The following DLGAP2 variants were observed in gnomAD, a reference collection of about 807,000 sequenced individuals.
The protein encoded by DLGAP2 is DLG associated protein 2, also known as disks large-associated protein 2.
DLGAP2 carries 26 observed loss-of-function variants against 100.3 expected under a neutral mutation model. That is an observed-to-expected ratio of 0.26 (90% confidence interval 0.19 to 0.36). The LOEUF (loss-of-function observed/expected upper bound fraction) is 0.36. DLGAP2 is among the 10% of genes least tolerant of loss of function. The pLI, the probability that DLGAP2 is intolerant of heterozygous loss-of-function variation, is 1.00. For missense variants in DLGAP2, 1,858 were observed against 1,453.2 expected (o/e 1.28, Z -4.53); for synonymous variants, 886 against 630.1 (o/e 1.41, Z -6.08).
At chr8:831,903 C>G (rs781484360) in intron 1 of DLGAP2, among the ~76,000 whole-genome samples, 1 of 151,996 alleles carries the variant, frequency 6.6e-6, no homozygotes, top group Non-Finnish European at 1.5e-5. Context: ...TAATAATCAC[C>G]ATGCTGACTG....
At chr8:1,596,307 A>T (rs924262804) in intron 6 of DLGAP2, among the ~76,000 whole-genome samples, 1 of 152,100 alleles carries the variant, frequency 6.6e-6, no homozygotes, top group African/African-American at 2.4e-5. Flanking sequence ...AGTCTTTGCT[A>T]TTGTGAATAG....
At chr8:1,100,906 T>G (rs566944242) in intron 2 of DLGAP2, among the ~76,000 whole-genome samples, 1 of 152,236 alleles carries the variant, frequency 6.6e-6, no homozygotes, top group Non-Finnish European at 1.5e-5. Context: ...GCATTTCAAG[T>G]GCTTTATAGC....
chr8:1,609,567 G>A (rs1796928352), intron 6 of DLGAP2, among the ~76,000 whole-genome samples: 2 of 132,352 alleles, frequency 1.5e-5, no homozygotes, highest in African/African-American at 5.2e-5. Context: ...TGGACTAAAT[G>A]CTCCAATTAA....
intron 2 of DLGAP2, among the ~76,000 whole-genome samples, chr8:947,983 C>CCCGTG (rs1799372645): frequency 9.6e-6 from 1 of 104,712 alleles, no homozygotes; most frequent in Non-Finnish European, 2.4e-5. Context: ...CTTCCCTGAT[C>CCCGTG]CCATGCCAGC....
chr8:1,513,492 C>G (rs1321146110), intron 4 of DLGAP2, among the ~76,000 whole-genome samples: 3 of 152,230 alleles, frequency 2.0e-5, no homozygotes, highest in Admixed American at 2.0e-4. Flanking sequence ...CAGCCCAGCT[C>G]AGAGGGGCCG....
intron 3 of DLGAP2, among the ~76,000 whole-genome samples, chr8:1,277,471 T>C (rs1210995613): frequency 7.9e-5 from 12 of 152,016 alleles, no homozygotes; most frequent in African/African-American, 2.4e-4. Context: ...TGGGGTCAAA[T>C]GGGAGTGGCC....
In DLGAP2 at chr8:1,561,595, C is replaced by T. The variant is rs189418201; in HGVS notation, c.1231-4088C>T. 3.2e-3 allele frequency among the ~76,000 whole-genome samples: 485 copies of T among 152,292 alleles called. 2 individuals are homozygous for T. Among genetic ancestry groups the T allele is most frequent in the South Asian group, 9.3e-3 (45 of 4,816 alleles). On this transcript the variant is annotated intron_variant, in intron 5 of 14. Coordinates refer to ENST00000637795, the MANE Select transcript of DLGAP2 (RefSeq NM_001346810.2). ...GTGCTAGGGTGTCACTGTGAGCTGC[C>T]GTGTGCCTGGGCCACCTTGGGGGTG...
At chr8:1,512,409 C>T (rs1472910448) in intron 4 of DLGAP2, among the ~76,000 whole-genome samples, 1 of 152,182 alleles carries the variant, frequency 6.6e-6, no homozygotes, top group Non-Finnish European at 1.5e-5. Context: ...TCGTCGGCGG[C>T]ATAGGGACGG....
intron 2 of DLGAP2, among the ~76,000 whole-genome samples, chr8:1,252,005 G>A (rs777608445): frequency 1.3e-5 from 2 of 152,072 alleles, no homozygotes; most frequent in Non-Finnish European, 2.9e-5. Context: ...TGTCACGTGG[G>A]TGTGTTGTGT....
chr8:789,793 C>T (rs111424982), intron 1 of DLGAP2, among the ~76,000 whole-genome samples: 2 of 152,150 alleles, frequency 1.3e-5, no homozygotes, highest in Non-Finnish European at 2.9e-5. Context: ...AGTTTAGAGA[C>T]CTGGCCTGTG....
intron 1 of DLGAP2, among the ~76,000 whole-genome samples, chr8:776,446 G>T (rs1337047379): frequency 6.6e-6 from 1 of 152,068 alleles, no homozygotes; most frequent in Non-Finnish European, 1.5e-5. Flanking sequence ...TGATGTTAGG[G>T]TGTCAATTTT....
intron 1 of DLGAP2, among the ~76,000 whole-genome samples, chr8:800,907 G>A (rs911123303): frequency 6.6e-6 from 1 of 151,812 alleles, no homozygotes; most frequent in Admixed American, 6.6e-5. Context: ...CTGTGTCCTC[G>A]CCCCCTCAAA....
At chr8:1,200,310 C>G (rs1044366435) in intron 2 of DLGAP2, among the ~76,000 whole-genome samples, 48 of 152,338 alleles carry the variant, frequency 3.2e-4, no homozygotes, top group African/African-American at 1.1e-3. Context: ...CCTGCGTGTT[C>G]TTTTCTCACT....
chr8:751,119 G>A (rs1292283319), intron 1 of DLGAP2, among the ~76,000 whole-genome samples: 23 of 56,140 alleles, frequency 4.1e-4, no homozygotes, highest in South Asian at 1.8e-3. Flanking sequence ...CCTCTCACGG[G>A]AAGGAGCATT....
At chr8:1,312,733 C>T (rs1041401186) in intron 3 of DLGAP2, among the ~76,000 whole-genome samples, 3 of 152,192 alleles carry the variant, frequency 2.0e-5, no homozygotes, top group African/African-American at 7.2e-5. Flanking sequence ...CCTTTTGACT[C>T]AGTTAATTAA....
intron 8 of DLGAP2, among the ~76,000 whole-genome samples, chr8:1,660,434 T>A (rs1436120695): frequency 6.6e-6 from 1 of 152,240 alleles, no homozygotes; most frequent in Non-Finnish European, 1.5e-5. Flanking sequence ...ACGCCCACTG[T>A]AAGTGAGAAT....
At chr8:1,623,760 G>T (rs575716343) in intron 6 of DLGAP2, among the ~76,000 whole-genome samples, 1 of 152,242 alleles carries the variant, frequency 6.6e-6, no homozygotes, top group African/African-American at 2.4e-5. Context: ...AAGAGGCCTG[G>T]TTTATAGGAC....
At chr8:827,022 C>T (rs1399157544) in intron 1 of DLGAP2, among the ~76,000 whole-genome samples, 2 of 152,120 alleles carry the variant, frequency 1.3e-5, no homozygotes, top group African/African-American at 2.4e-5. Context: ...GGCAGTGGTT[C>T]TCAAATGGGG....
chr8:877,701 G>T (rs1020578104), intron 1 of DLGAP2, among the ~76,000 whole-genome samples: 2 of 152,160 alleles, frequency 1.3e-5, no homozygotes, highest in South Asian at 4.1e-4. Context: ...CCTGTGTCTT[G>T]AATCTCTTCC....
Sources: allele counts gnomAD v4.1 joint callset (sites outside exome capture counted in the v4.1 genomes callset), GRCh38; gene constraint gnomAD v4.1.1; transcripts MANE v1.5; gene names NCBI Gene and HGNC (gene_info 2026-07-23, HGNC 2026-07-21).